NCKAP5: variants seen among roughly 807,000 people sequenced by gnomAD.
The protein encoded by NCKAP5 is nck-associated protein 5.
A neutral mutation model predicts 167.0 loss-of-function variants in NCKAP5; 92 were observed. That is an observed-to-expected ratio of 0.55 (90% CI 0.47 to 0.66). The LOEUF (loss-of-function observed/expected upper bound fraction) is 0.66, where lower values mean the gene tolerates loss of function less well. NCKAP5 is among the 30% of genes least tolerant of loss of function. The pLI, the probability that NCKAP5 is intolerant of heterozygous loss-of-function variation, is 0.00. For missense variants in NCKAP5, 2,378 were observed against 2,315.0 expected (o/e 1.03, Z -0.56); for synonymous variants, 891 against 877.4 (o/e 1.02, Z -0.27).
chr2:133,512,060 C>G (rs1321884070), intron 3 of NCKAP5, among the ~76,000 whole-genome samples: 2 of 152,124 alleles, frequency 1.3e-5, no homozygotes, highest in Non-Finnish European at 2.9e-5. Context: ...CAAGAAAGAT[C>G]CAGTCATATC....
intron 11 of NCKAP5, among the ~76,000 whole-genome samples, chr2:132,820,355 G>A (rs925979596): frequency 7.3e-5 from 11 of 151,510 alleles, no homozygotes; most frequent in Non-Finnish European, 1.5e-4. Flanking sequence ...TCAGCCACCC[G>A]AGTAGCTGGG....
intron 8 of NCKAP5, among the ~76,000 whole-genome samples, chr2:132,919,668 G>T (rs530316070): frequency 6.6e-6 from 1 of 151,536 alleles, no homozygotes; most frequent in South Asian, 2.1e-4. Flanking sequence ...AGAGACAAAG[G>T]GCAGAAGAAA....
At chr2:133,386,594 G>C (rs538705690) in intron 3 of NCKAP5, among the ~76,000 whole-genome samples, 1 of 152,116 alleles carries the variant, frequency 6.6e-6, no homozygotes, top group Non-Finnish European at 1.5e-5. Flanking sequence ...TTCAATTCTT[G>C]GATATCCTTA....
chr2:133,311,796 C>T (rs771199006), intron 3 of NCKAP5, among the ~76,000 whole-genome samples: 44 of 152,234 alleles, frequency 2.9e-4, no homozygotes, highest in Non-Finnish European at 5.9e-4. Context: ...TCCTAGTACC[C>T]TATCTACAAG....
At chr2:133,386,436 T>G (rs951196213) in intron 3 of NCKAP5, among the ~76,000 whole-genome samples, 1 of 152,236 alleles carries the variant, frequency 6.6e-6, no homozygotes, top group Non-Finnish European at 1.5e-5. Flanking sequence ...TTTCTCTTCT[T>G]TTCCATTTGC....
chr2:132,948,461 G>A (rs188842070), intron 8 of NCKAP5, among the ~76,000 whole-genome samples: 18 of 152,296 alleles, frequency 1.2e-4, no homozygotes, highest in Admixed American at 7.8e-4. Flanking sequence ...TGCAGCGAGC[G>A]AAGGGGCACA....
chr2:132,832,162 T>C (rs1349412807), intron 11 of NCKAP5, among the ~76,000 whole-genome samples: 3 of 152,158 alleles, frequency 2.0e-5, no homozygotes, highest in Admixed American at 2.0e-4. Context: ...AATAGCATGA[T>C]GGGATTTTGA....
chr2:133,297,201 G>GTATGTGTA (rs1419782566), intron 4 of NCKAP5, among the ~76,000 whole-genome samples: 5 of 137,020 alleles, frequency 3.6e-5, no homozygotes, highest in African/African-American at 1.4e-4. Flanking sequence ...GTGTGTGTGT[G>GTATGTGTA]TGTGTGTGTT....
intron 7 of NCKAP5, among the ~76,000 whole-genome samples, chr2:132,983,181 C>A (rs1479626033): frequency 6.6e-6 from 1 of 152,156 alleles, no homozygotes; most frequent in Non-Finnish European, 1.5e-5. Context: ...TTACTGAAGT[C>A]ATTTATGAGT....
chr2:132,822,232 CTAGCATAA>C (rs1686801130), intron 11 of NCKAP5, among the ~76,000 whole-genome samples: 1 of 152,220 alleles, frequency 6.6e-6, no homozygotes, highest in African/African-American at 2.4e-5. Flanking sequence ...AACTTCACTG[CTAGCATAA>C]CCAGTATTCA....
At chr2:132,941,311 C>T (rs964522182) in intron 8 of NCKAP5, among the ~76,000 whole-genome samples, 1 of 152,192 alleles carries the variant, frequency 6.6e-6, no homozygotes, top group African/African-American at 2.4e-5. Context: ...CTGTGACTTC[C>T]TTTGGTGGAC....
At chr2:132,775,107 T>G (rs573852944) in intron 15 of NCKAP5, among the ~76,000 whole-genome samples, 1 of 152,298 alleles carries the variant, frequency 6.6e-6, no homozygotes, top group East Asian at 1.9e-4. Flanking sequence ...TAACGTGCAA[T>G]GCAATGGGTG....
chr2:133,246,474 C>A lies in NCKAP5; in HGVS notation c.144-32695G>T, dbSNP rs893889218. Among the ~76,000 whole-genome samples the A allele has an allele frequency of 3.3e-5, 5 of 152,144 alleles. No individual in the cohort carries two copies. The South Asian group carries it at 8.3e-4, about 25-fold the overall frequency. On this transcript the variant is annotated intron_variant, in intron 4 of 19. Transcript: ENST00000409261. ...AAAAAGCAGAAAACACCACAGTGCC[C>A]TACACAGATCCTTAGCAAGAATGTA...
intron 7 of NCKAP5, among the ~76,000 whole-genome samples, chr2:132,969,123 C>T (rs528204371): frequency 5.9e-5 from 9 of 152,192 alleles, no homozygotes; most frequent in South Asian, 4.2e-4. Context: ...CTGCAACCTC[C>T]GCCTCCTGGG....
At chr2:132,913,911 A>G (rs925780315) in intron 8 of NCKAP5, among the ~76,000 whole-genome samples, 8 of 152,172 alleles carry the variant, frequency 5.3e-5, no homozygotes, top group South Asian at 4.1e-4. Flanking sequence ...TTGAAAAATA[A>G]TGGAATTCAG....
At chr2:133,574,894 C>T in the NCKAP5 span, among the ~76,000 whole-genome samples, 1 of 152,154 alleles carries the variant, frequency 6.6e-6, no homozygotes, top group East Asian at 1.9e-4. Flanking sequence ...GCAAAGAACA[C>T]CTGTCCAGGC....
chr2:133,193,857 T>G (rs1559250304), intron 5 of NCKAP5, among the ~76,000 whole-genome samples: 1 of 152,126 alleles, frequency 6.6e-6, no homozygotes, highest in African/African-American at 2.4e-5. Context: ...AATTCCAAAG[T>G]ATATTTTAAA....
At chr2:133,380,739 C>A (rs1457592018) in intron 3 of NCKAP5, among the ~76,000 whole-genome samples, 1 of 152,086 alleles carries the variant, frequency 6.6e-6, no homozygotes, top group East Asian at 1.9e-4. Context: ...AACCAGAATA[C>A]CTGGAAGTAA....
At chr2:133,618,169 C>A in the NCKAP5 span, among the ~76,000 whole-genome samples, 399 of 151,860 alleles carry the variant, frequency 2.6e-3, 2 homozygotes, top group Non-Finnish European at 4.0e-3. Flanking sequence ...TGGATTAAAG[C>A]CTTAAACGTT....
Sources: allele counts gnomAD v4.1 joint callset (sites outside exome capture counted in the v4.1 genomes callset), GRCh38; gene constraint gnomAD v4.1.1; transcripts MANE v1.5; gene names NCBI Gene and HGNC (gene_info 2026-07-23, HGNC 2026-07-21).